The following TVP23C variants were observed in gnomAD, a reference collection of about 807,000 sequenced individuals.
TVP23C encodes Golgi apparatus membrane protein TVP23 homolog C.
A neutral mutation model predicts 28.7 loss-of-function variants in TVP23C; 19 were observed. That is an observed-to-expected ratio of 0.66 (90% confidence interval 0.46 to 0.97). The LOEUF is 0.97. TVP23C is among the 50% of genes least tolerant of loss of function. TVP23C has a pLI of 0.00. For missense variants in TVP23C, 186 were observed against 241.3 expected (o/e 0.77, Z 1.52); for synonymous variants, 68 against 81.7 (o/e 0.83, Z 0.90).
chr17:15,550,262 T>C (rs886523057), intron 3 of TVP23C, among the ~76,000 whole-genome samples: 34 of 152,388 alleles, frequency 2.2e-4, no homozygotes, highest in Middle Eastern at 3.4e-3. Flanking sequence ...TTACAGTTTT[T>C]GCTTCCTTTT....
chr17:15,523,361 A>T (rs1286632164), intron 5 of TVP23C, among the ~76,000 whole-genome samples: 1 of 149,960 alleles, frequency 6.7e-6, no homozygotes, highest in Non-Finnish European at 1.5e-5. Flanking sequence ...GCCAGGCTGG[A>T]GTGCAGTGGC....
At chr17:15,521,455 G>A (rs1335928752) in intron 5 of TVP23C, among the ~76,000 whole-genome samples, 1 of 152,062 alleles carries the variant, frequency 6.6e-6, no homozygotes, top group Non-Finnish European at 1.5e-5. Flanking sequence ...AGTGAGCTGA[G>A]ATTACGCCAC....
Position 15,525,998 on chromosome 17 carries a change from C to T in TVP23C, c.462+19787G>A, listed in dbSNP as rs143847266. ...CATGATATTTAAGAAGTTAAATGCC[C>T]ATGACCAACACAGCAAGTAAGTATG... On this transcript the variant is annotated intron_variant, in intron 5 of 5. Transcript: ENST00000225576. Among the ~76,000 whole-genome samples the T allele has an allele frequency of 3.9e-5, 6 of 152,280 alleles. No homozygotes were observed. The East Asian group carries it at 1.2e-3, about 29-fold the overall frequency.
At chr17:15,519,053 C>T (rs1469563765) in intron 5 of TVP23C, among the ~76,000 whole-genome samples, 1 of 152,156 alleles carries the variant, frequency 6.6e-6, no homozygotes, top group African/African-American at 2.4e-5. Context: ...GCTTTCCCTT[C>T]ACCTACCACC....
intron 5 of TVP23C, among the ~76,000 whole-genome samples, chr17:15,522,730 T>TA (rs1009219083): frequency 2.6e-5 from 4 of 152,114 alleles, no homozygotes; most frequent in African/African-American, 9.7e-5. Flanking sequence ...GCTACATTTT[T>TA]AAAAAAACTT....
rs1465877407 is a variant in TVP23C at position 15,542,531 on chromosome 17, C to T, written c.463-1970G>A. Among the ~76,000 whole-genome samples, 7 of 152,200 alleles carry T rather than the reference C, an allele frequency of 4.6e-5. 1 individual carries two copies. Among genetic ancestry groups the T allele is most frequent in the East Asian group, 1.9e-4 (1 of 5,176 alleles). On this transcript the variant is annotated intron_variant, in intron 5 of 5. Coordinates refer to ENST00000518321, the MANE Select transcript of TVP23C (RefSeq NM_001135036.2). ...TCGCTCTGTCACTCAGGCTGGAGTGCGGTGGCACGATCTCAGCTCACTGCA... is the reference window on the plus strand; with the variant it reads ...TCGCTCTGTCACTCAGGCTGGAGTGTGGTGGCACGATCTCAGCTCACTGCA...
chr17:15,538,067 T>C lies in TVP23C; in HGVS notation c.*2345A>G. ...GCAACATGGACTAAGCTCTAAAAGG[T>C]TGAGTCAAGAATCTCTTCAGTTGTT... On this transcript the variant is annotated 3_prime_UTR_variant, in exon 6 of 6. Coordinates refer to ENST00000518321, the MANE Select transcript of TVP23C (RefSeq NM_001135036.2). 5.6e-6 allele frequency: 9 copies of C among 1,606,560 alleles called. No homozygotes were observed. Among genetic ancestry groups the C allele is most frequent in the Admixed American group, 5.1e-5 (3 of 58,352 alleles).
At chr17:15,540,855 GCT>G (rs1234774657) in intron 5 of TVP23C, among the ~76,000 whole-genome samples, 1 of 152,256 alleles carries the variant, frequency 6.6e-6, no homozygotes. Flanking sequence ...GAGCCTTCTT[GCT>G]CTCTGTTTCC....
chr17:15,518,999 C>T (rs1982354137), intron 5 of TVP23C, among the ~76,000 whole-genome samples: 1 of 152,044 alleles, frequency 6.6e-6, no homozygotes, highest in African/African-American at 2.4e-5. Context: ...TGTCGCAGTT[C>T]CCCACTCTCT....
chr17:15,553,398 T>C (rs1186994018), intron 3 of TVP23C, among the ~76,000 whole-genome samples: 1 of 152,110 alleles, frequency 6.6e-6, no homozygotes, highest in Non-Finnish European at 1.5e-5. Flanking sequence ...GTAGGGTCTA[T>C]GGTTGCTAGT....
chr17:15,515,789 TG>T (rs538784457), intron 5 of TVP23C, among the ~76,000 whole-genome samples: 2 of 152,074 alleles, frequency 1.3e-5, no homozygotes, highest in East Asian at 1.9e-4. Flanking sequence ...GAATGAATGA[TG>T]GGCACAGTGA....
At chr17:15,551,115 C>CACT (rs1983862077) in intron 3 of TVP23C, among the ~76,000 whole-genome samples, 1 of 147,706 alleles carries the variant, frequency 6.8e-6, no homozygotes, top group African/African-American at 2.6e-5. Context: ...TAATAGTTGC[C>CACT]ATTATTGTTT....
downstream of TVP23C, among the ~76,000 whole-genome samples, chr17:15,534,324 A>G (rs1983064483): frequency 6.6e-6 from 1 of 152,226 alleles, no homozygotes; most frequent in African/African-American, 2.4e-5. Flanking sequence ...GGAAGCTGAG[A>G]AATGTAGAAC....
At chr17:15,519,485 C>T (rs1254815090) in intron 5 of TVP23C, among the ~76,000 whole-genome samples, 4 of 145,034 alleles carry the variant, frequency 2.8e-5, no homozygotes, top group Admixed American at 6.8e-5. Context: ...TAAATATACA[C>T]ACACACACAC....
intron 5 of TVP23C, among the ~76,000 whole-genome samples, chr17:15,509,682 G>T (rs1356931957): frequency 6.6e-6 from 1 of 152,196 alleles, no homozygotes; most frequent in African/African-American, 2.4e-5. Flanking sequence ...AGCCATGATT[G>T]TGCCACTGCA....
intron 5 of TVP23C, among the ~76,000 whole-genome samples, chr17:15,527,760 T>C (rs547247839): frequency 2.3e-4 from 35 of 152,190 alleles, no homozygotes; most frequent in Non-Finnish European, 4.4e-4. Flanking sequence ...CTGAATCAAA[T>C]ACAAGTTCTT....
rs1184759224 is a variant in TVP23C at position 15,540,308 on chromosome 17, TTTATCA to T, written c.*98_*103del. 7.3e-7 allele frequency: 1 copy of T among 1,368,750 alleles called. No homozygotes were observed. The allele number at this position is 1,368,750 out of a possible 1,614,324, so 84.8% of individuals were successfully genotyped here. ...ACCCCCAAAGAGCAATTACAACATC[TTTATCA>T]TTATATTTATACAACTATATGCCTT... On this transcript the variant is annotated 3_prime_UTR_variant, in exon 6 of 6. Coordinates refer to ENST00000518321, the MANE Select transcript of TVP23C (RefSeq NM_001135036.2).
At chr17:15,528,276 A>G (rs1043492611) in intron 5 of TVP23C, among the ~76,000 whole-genome samples, 22 of 152,202 alleles carry the variant, frequency 1.4e-4, no homozygotes, top group African/African-American at 4.3e-4. Context: ...TATGCATCCC[A>G]TAAGTGTTGG....
chr17:15,506,234 A>C (rs1187878446), intron 5 of TVP23C, among the ~76,000 whole-genome samples: 3 of 150,960 alleles, frequency 2.0e-5, no homozygotes, highest in African/African-American at 7.3e-5. Context: ...GTTTAGCTCA[A>C]GGTTTGTGAG....
Sources: allele counts gnomAD v4.1 joint callset (sites outside exome capture counted in the v4.1 genomes callset), GRCh38; gene constraint gnomAD v4.1.1; transcripts MANE v1.5; gene names NCBI Gene and HGNC (gene_info 2026-07-23, HGNC 2026-07-21).